The following PLEKHA5 variants were observed in gnomAD, a reference collection of about 807,000 sequenced individuals.
PLEKHA5 encodes the protein pleckstrin homology domain containing A5.
Under a neutral mutation model 181.9 loss-of-function variants are expected in PLEKHA5, and 55 were observed. The ratio of observed to expected loss-of-function variants is 0.30; its 90% CI spans 0.24 to 0.38. The LOEUF is 0.38. PLEKHA5 is among the 10% of genes least tolerant of loss of function. The pLI is 1.00. For missense variants in PLEKHA5, 1,432 were observed against 1,549.5 expected, an observed-to-expected ratio of 0.92 and a Z score of 1.27; for synonymous variants, 535 against 529.4, an observed-to-expected ratio of 1.01 and a Z score of -0.15.
At chr12:19,296,284 C>T (rs1017927849) in intron 15 of PLEKHA5, among the ~76,000 whole-genome samples, 4 of 148,284 alleles carry the variant, frequency 2.7e-5, no homozygotes, top group Admixed American at 6.7e-5. Context: ...CTGTGGCTCA[C>T]GCCTGTAATC....
intron 3 of PLEKHA5, among the ~76,000 whole-genome samples, chr12:19,137,517 G>A: frequency 6.6e-6 from 1 of 152,202 alleles, no homozygotes; most frequent in South Asian, 2.1e-4. Flanking sequence ...AAACAACTAC[G>A]AACTATGATC....
chr12:19,275,743 G>A (rs927925474), intron 11 of PLEKHA5, among the ~76,000 whole-genome samples: 11 of 151,950 alleles, frequency 7.2e-5, no homozygotes, highest in African/African-American at 2.7e-4. Flanking sequence ...ACTCCAGCGT[G>A]GCAGCACAGT....
rs986926011 is a variant in PLEKHA5 at position 19,239,850 on chromosome 12, A to G, written c.228-14090A>G. ...CTCTTTTCCTTTCTAAGCAAGATCA[A>G]TCCCTAATCGGTTTCCCCTTTGTAT... On this transcript the variant is annotated intron_variant, in intron 3 of 31. Transcript: ENST00000429027. Among the ~76,000 whole-genome samples, 3 of 152,228 alleles carry G rather than the reference A, an allele frequency of 2.0e-5. 1 individual carries two copies.
At chr12:19,370,052 A>G (rs2095537871) in intron 31 of PLEKHA5, among the ~76,000 whole-genome samples, 1 of 152,254 alleles carries the variant, frequency 6.6e-6, no homozygotes, top group East Asian at 1.9e-4. Flanking sequence ...TTTGGAGGGT[A>G]TGGCCTGTGC....
chr12:19,231,662 A>G (rs953790810), intron 3 of PLEKHA5, among the ~76,000 whole-genome samples: 6 of 150,272 alleles, frequency 4.0e-5, no homozygotes, highest in Non-Finnish European at 7.4e-5. Flanking sequence ...TTATGATTTC[A>G]TATTCATCAA....
At chr12:19,171,227 A>G (rs2045814521) in intron 3 of PLEKHA5, among the ~76,000 whole-genome samples, 1 of 152,152 alleles carries the variant, frequency 6.6e-6, no homozygotes, top group African/African-American at 2.4e-5. Context: ...AGAAGAAATC[A>G]ATTGAGAGAG....
chr12:19,323,947 G>A (rs1021970456), intron 20 of PLEKHA5, among the ~76,000 whole-genome samples: 1 of 152,040 alleles, frequency 6.6e-6, no homozygotes, highest in Non-Finnish European at 1.5e-5. Flanking sequence ...ACTGTTTTAT[G>A]AGTTTAAACA....
intron 15 of PLEKHA5, among the ~76,000 whole-genome samples, chr12:19,296,263 G>A (rs549344791): frequency 1.3e-5 from 2 of 151,696 alleles, no homozygotes; most frequent in South Asian, 2.1e-4. Context: ...ATTACTCAGT[G>A]TGGCCAGGCA....
At chr12:19,234,675 T>C (rs943878633) in intron 3 of PLEKHA5, among the ~76,000 whole-genome samples, 3 of 152,204 alleles carry the variant, frequency 2.0e-5, no homozygotes, top group African/African-American at 7.2e-5. Context: ...ATGTCTGCCT[T>C]CAAATGGGGT....
At chr12:19,165,780 TGGCCAGACCACTTTGGG>T (rs2044215754) in intron 3 of PLEKHA5, among the ~76,000 whole-genome samples, 1 of 152,208 alleles carries the variant, frequency 6.6e-6, no homozygotes, top group African/African-American at 2.4e-5. Context: ...AACTATCAAA[TGGCCAGACCACTTTGGG>T]GGTGCAATTT....
chr12:19,249,403 A>C (rs573410190), intron 3 of PLEKHA5, among the ~76,000 whole-genome samples: 52 of 152,296 alleles, frequency 3.4e-4, no homozygotes, highest in African/African-American at 1.2e-3. Flanking sequence ...ACACTGGACA[A>C]AGGGATGATT....
intron 24 of PLEKHA5, among the ~76,000 whole-genome samples, chr12:19,347,708 A>G (rs2094406108): frequency 6.6e-6 from 1 of 152,130 alleles, no homozygotes; most frequent in Non-Finnish European, 1.5e-5. Flanking sequence ...AGGAAATTAG[A>G]ATTGAGCTAA....
chr12:19,244,095 G>T (rs1337160990), intron 3 of PLEKHA5, among the ~76,000 whole-genome samples: 1 of 152,002 alleles, frequency 6.6e-6, no homozygotes, highest in Non-Finnish European at 1.5e-5. Flanking sequence ...TACTTGACTA[G>T]CATAGGCTGA....
chr12:19,260,485 T>C (rs1244637056), intron 6 of PLEKHA5, among the ~76,000 whole-genome samples: 1 of 152,190 alleles, frequency 6.6e-6, no homozygotes, highest in Non-Finnish European at 1.5e-5. Context: ...CCTAGAAAAC[T>C]ACCTCCAAAT....
intron 18 of PLEKHA5, 62 bp downstream of exon 18, chr12:19,320,686 A>G (rs2090425292): frequency 2.6e-6 from 2 of 756,630 alleles, no homozygotes; most frequent in Non-Finnish European, 4.3e-6. Flanking sequence ...AAAACACTGG[A>G]AATAAGCATG....
chr12:19,287,157 C>T (rs1412821901), intron 12 of PLEKHA5, among the ~76,000 whole-genome samples: 1 of 151,968 alleles, frequency 6.6e-6, no homozygotes, highest in Non-Finnish European at 1.5e-5. Flanking sequence ...GCCACCACAC[C>T]TGGCTAATTT....
intron 11 of PLEKHA5, among the ~76,000 whole-genome samples, chr12:19,277,803 C>G (rs1237677278): frequency 6.6e-6 from 1 of 152,016 alleles, no homozygotes; most frequent in Non-Finnish European, 1.5e-5. Context: ...AATATTTAGT[C>G]AAAATAGTAG....
chr12:19,141,642 C>T (rs189900305), intron 3 of PLEKHA5, among the ~76,000 whole-genome samples: 1 of 152,292 alleles, frequency 6.6e-6, no homozygotes, highest in Admixed American at 6.5e-5. Flanking sequence ...CGGGATGGTT[C>T]AGGCCAGGAC....
At chr12:19,129,909 C>T in intron 1 of PLEKHA5, 21 bp downstream of exon 1, 3 of 1,571,558 alleles carry the variant, frequency 1.9e-6, no homozygotes, top group African/African-American at 1.4e-5. Context: ...GGGGACGGCA[C>T]GGGGGCCCGC....
Sources: allele counts gnomAD v4.1 joint callset (sites outside exome capture counted in the v4.1 genomes callset), GRCh38; gene constraint gnomAD v4.1.1; transcripts MANE v1.5; gene names NCBI Gene and HGNC (gene_info 2026-07-23, HGNC 2026-07-21).